CELF2: variants seen among roughly 807,000 people sequenced by gnomAD.
CELF2 encodes the protein CUGBP Elav-like family member 2.
CELF2 carries 8 observed loss-of-function variants against 62.6 expected under a neutral mutation model. The ratio of observed to expected loss-of-function variants is 0.13; its 90% confidence interval spans 0.07 to 0.23. The LOEUF (loss-of-function observed/expected upper bound fraction) is 0.23, where lower values mean the gene tolerates loss of function less well. CELF2 is among the 10% of genes least tolerant of loss of function. The probability of loss-of-function intolerance (pLI) is 1.00; values close to 1 mark genes in which losing one functional copy is unlikely to be tolerated. For synonymous variants in CELF2, 258 were observed against 250.0 expected (o/e 1.03, Z -0.30); for missense variants, 333 against 671.0 (o/e 0.50, Z 5.56).
intron 1 of CELF2, among the ~76,000 whole-genome samples, chr10:11,086,610 A>AAAAAAAAAT (rs1594927416): frequency 7.4e-6 from 1 of 134,412 alleles, no homozygotes; most frequent in Non-Finnish European, 1.6e-5. Context: ...AAAAAAAAAA[A>AAAAAAAAAT]CTCCCGACAG....
intron 9 of CELF2, among the ~76,000 whole-genome samples, chr10:11,308,948 C>CA (rs1238018564): frequency 6.6e-6 from 1 of 151,944 alleles, no homozygotes; most frequent in Non-Finnish European, 1.5e-5. Context: ...TTGTAAAATG[C>CA]AAAAAAGAAT....
At chr10:10,631,132 T>C in the CELF2 span, among the ~76,000 whole-genome samples, 1 of 152,220 alleles carries the variant, frequency 6.6e-6, no homozygotes, top group Non-Finnish European at 1.5e-5. Flanking sequence ...TTTATTCCTA[T>C]GAGTAATCAC....
the CELF2 span, among the ~76,000 whole-genome samples, chr10:10,517,662 T>TA: frequency 6.6e-6 from 1 of 152,022 alleles, no homozygotes; most frequent in African/African-American, 2.4e-5. Context: ...ATGGGAAGGG[T>TA]AGGCAGAGGC....
chr10:11,226,608 ACACACACACACACACACAC>A (rs2066674430), intron 3 of CELF2, among the ~76,000 whole-genome samples: 3 of 147,532 alleles, frequency 2.0e-5, no homozygotes, highest in South Asian at 2.1e-4. Flanking sequence ...GGCCACACAC[ACACACACACACACACACAC>A]ACACACACAC....
the CELF2 span, among the ~76,000 whole-genome samples, chr10:10,515,543 T>C: frequency 1.3e-5 from 2 of 152,198 alleles, no homozygotes; most frequent in African/African-American, 4.8e-5. Context: ...AAAAGGATCA[T>C]TTGAACTCAA....
At chr10:10,787,270 A>G in the CELF2 span, among the ~76,000 whole-genome samples, 6 of 152,204 alleles carry the variant, frequency 3.9e-5, no homozygotes, top group Non-Finnish European at 5.9e-5. Flanking sequence ...ATGTTATATC[A>G]AGCCTTTTTT....
At chr10:10,991,376 A>T (rs2053425279) in intron 2 of CELF2, among the ~76,000 whole-genome samples, 1 of 152,126 alleles carries the variant, frequency 6.6e-6, no homozygotes, top group Admixed American at 6.6e-5. Context: ...CGCTAAGGGG[A>T]TGTGACAAGA....
the CELF2 span, among the ~76,000 whole-genome samples, chr10:10,546,826 G>A: frequency 6.6e-6 from 1 of 150,856 alleles, no homozygotes; most frequent in Non-Finnish European, 1.5e-5. Flanking sequence ...TTCATATTCA[G>A]CCAGGTGCCG....
At chr10:10,486,533 C>T in the CELF2 span, among the ~76,000 whole-genome samples, 1 of 152,034 alleles carries the variant, frequency 6.6e-6, no homozygotes, top group Non-Finnish European at 1.5e-5. Context: ...AAGCTTGGGA[C>T]CCAATGTGTT....
chr10:10,892,252 C>A (rs1175545534), intron 1 of CELF2, among the ~76,000 whole-genome samples: 1 of 152,116 alleles, frequency 6.6e-6, no homozygotes, highest in Non-Finnish European at 1.5e-5. Flanking sequence ...GGGTCACAAT[C>A]AGGTTTAGGC....
the CELF2 span, among the ~76,000 whole-genome samples, chr10:10,782,062 GA>G: frequency 1.3e-5 from 2 of 152,148 alleles, no homozygotes; most frequent in South Asian, 2.1e-4. Flanking sequence ...TAACTTATAT[GA>G]AAATATTATG....
intron 1 of CELF2, among the ~76,000 whole-genome samples, chr10:10,822,114 G>A (rs557891260): frequency 3.3e-5 from 5 of 152,162 alleles, no homozygotes; most frequent in African/African-American, 9.7e-5. Flanking sequence ...CAGGTACCAC[G>A]TTGTGCTGTG....
At chr10:11,303,274 T>C (rs937016241) in intron 9 of CELF2, among the ~76,000 whole-genome samples, 3 of 152,150 alleles carry the variant, frequency 2.0e-5, no homozygotes, top group Admixed American at 2.0e-4. Context: ...CAGCTCACTC[T>C]CTTTCAACTC....
chr10:10,757,485 ACT>A, the CELF2 span, among the ~76,000 whole-genome samples: 948 of 152,218 alleles, frequency 6.2e-3, 10 homozygotes, highest in African/African-American at 0.022. Flanking sequence ...AAATAGACTA[ACT>A]CTGTGAATTC....
At position 11,110,642 on chromosome 10, in the gene CELF2, GGAGATGGCAGT is replaced by G. The variant is rs1041798889; in HGVS notation, c.75-54839_75-54829del. On this transcript the variant is annotated intron_variant, in intron 1 of 12. Coordinates refer to ENST00000633077, the MANE Select transcript of CELF2 (RefSeq NM_001326342.2). This position sits in a 1 kb window ranked among gnomAD's most constrained non-coding sequence, Gnocchi z 4.0. ...ATTTTGTTTGCTGTTTGGTGAGTGG[GGAGATGGCAGT>G]GAGACAGCCAGTGTGACGTTGAGAG... Among the ~76,000 whole-genome samples, 1 of 152,174 alleles carries G rather than the reference GGAGATGGCAGT, an allele frequency of 6.6e-6. No homozygotes were observed. Among genetic ancestry groups the G allele is most frequent in the African/African-American group, 2.4e-5 (1 of 41,440 alleles).
chr10:11,043,705 C>T (rs530925188), intron 1 of CELF2, among the ~76,000 whole-genome samples: 3 of 152,278 alleles, frequency 2.0e-5, no homozygotes, highest in Non-Finnish European at 2.9e-5. Flanking sequence ...GTGGGTTCCG[C>T]GTTCCACCTG....
chr10:11,070,077 T>C (rs957389263), intron 1 of CELF2, among the ~76,000 whole-genome samples: 31 of 152,236 alleles, frequency 2.0e-4, no homozygotes, highest in Non-Finnish European at 8.8e-5. Flanking sequence ...CAATAATGTT[T>C]GTACTCTTGT....
Position 10,817,717 on chromosome 10 carries a change from A to G in CELF2, c.53+18900A>G, listed in dbSNP as rs558037540. On this transcript the variant is annotated intron_variant, in intron 1 of 13. Coordinates refer to the CELF2 transcript ENST00000636488. Reference sequence around the variant, plus strand: ...CGTACCACATTTTCTTTATCCATTCATTGGCTGATGAACAGTTAGGTGGCT... The same window carrying G: ...CGTACCACATTTTCTTTATCCATTCGTTGGCTGATGAACAGTTAGGTGGCT... Among the ~76,000 whole-genome samples the G allele has an allele frequency of 1.8e-3, 280 of 152,242 alleles. 2 individuals carry two copies. Among genetic ancestry groups the G allele is most frequent in the African/African-American group, 6.4e-3 (266 of 41,536 alleles).
intron 2 of CELF2, among the ~76,000 whole-genome samples, chr10:11,197,720 T>TTGGGTGC (rs2058318316): frequency 6.6e-6 from 1 of 152,250 alleles, no homozygotes. Flanking sequence ...CTTCCATCTT[T>TTGGGTGC]ATTCCCAAAT....
Sources: allele counts gnomAD v4.1 joint callset (sites outside exome capture counted in the v4.1 genomes callset), GRCh38; gene constraint gnomAD v4.1.1; non-coding constraint Gnocchi (gnomAD v3.1); transcripts MANE v1.5; gene names NCBI Gene and HGNC (gene_info 2026-07-23, HGNC 2026-07-21).